Variants in PCDHA8 observed in about 807,000 individuals in gnomAD.
PCDHA8 encodes the protein protocadherin alpha-8.
Under a neutral mutation model 61.8 loss-of-function variants are expected in PCDHA8, and 53 were observed. That is an observed-to-expected ratio of 0.86 (90% CI 0.69 to 1.08). The LOEUF (loss-of-function observed/expected upper bound fraction) is 1.08, where lower values mean the gene tolerates loss of function less well. PCDHA8 is among the 50% of genes least tolerant of loss of function. The probability of loss-of-function intolerance (pLI) is 0.00; values close to 1 mark genes in which losing one functional copy is unlikely to be tolerated. For missense variants in PCDHA8, 1,293 were observed against 1,245.0 expected (o/e 1.04, Z -0.58); for synonymous variants, 618 against 556.6 (o/e 1.11, Z -1.55).
At chr5:140,927,342 TGAC>T (rs1554204398) in intron 1 of PCDHA8, 1 of 1,614,160 alleles carries the variant, frequency 6.2e-7, no homozygotes, top group Non-Finnish European at 8.5e-7. Context: ...ATGCCCAAGA[TGAC>T]GACGAGGGAA....
chr5:140,896,113 T>A (rs10053583), intron 1 of PCDHA8, among the ~76,000 whole-genome samples: 2,120 of 152,286 alleles, frequency 0.014, 43 homozygotes, highest in African/African-American at 0.049. Flanking sequence ...GCCTGGCCAA[T>A]GTACTGCATT....
At chr5:140,923,134 G>C (rs962370475) in intron 1 of PCDHA8, among the ~76,000 whole-genome samples, 2 of 152,106 alleles carry the variant, frequency 1.3e-5, no homozygotes, top group Non-Finnish European at 1.5e-5. Flanking sequence ...CACTTTGAAG[G>C]TGGAATATAA....
chr5:140,842,540 T>A lies in PCDHA8; in HGVS notation c.1219T>A (p.Leu407Met). The A allele has an allele frequency of 6.2e-7, 1 of 1,610,630 alleles. No homozygotes were observed. ...GTCCACCTTCAAGAATTACTACTCG[T>A]TGGTGCTGGACAGCGCCCTGGACCG... Reference protein sequence around the residue: ...LVSTFKNYYSLVLDSALDRER... With the variant: ...LVSTFKNYYSMVLDSALDRER... Residue 407 changes from leucine (L) to methionine (M), a missense_variant, in exon 1 of 4, where the codon TTG becomes ATG. Transcript: ENST00000531613.
chr5:140,888,197 C>T (rs190439070), intron 1 of PCDHA8, among the ~76,000 whole-genome samples: 18 of 152,162 alleles, frequency 1.2e-4, no homozygotes, highest in East Asian at 1.2e-3. Flanking sequence ...TTTACATTGT[C>T]GGATGCTGGA....
At position 141,009,806 on chromosome 5, in the gene PCDHA8, A is replaced by G. The variant is rs781853535; in HGVS notation, c.2722A>G (p.Ile908Val). 18 of 1,614,018 alleles carry G rather than the reference A, an allele frequency of 1.1e-5. No individual in the cohort carries two copies. Among genetic ancestry groups the G allele is most frequent in the Non-Finnish European group, 1.5e-5 (18 of 1,180,028 alleles). ...SIRQEPTNSQ[I>V]DKSDFITFGK... is the part of the protein sequence containing the mutation. ...CCGGCAGGAGCCTACTAACAGCCAA[A>G]TTGACAAAAGTGACTTCATAACCTT... The change falls in exon 4 of 4, where the codon ATT becomes GTT. Residue 908 changes from isoleucine (I) to valine (V), a missense_variant. Physicochemically the swap from Ile to Val is conservative, Grantham distance 29 (BLOSUM62 3). Coordinates refer to ENST00000531613, the MANE Select transcript of PCDHA8 (RefSeq NM_018911.3).
At chr5:140,981,692 T>C (rs1168412872) in intron 2 of PCDHA8, among the ~76,000 whole-genome samples, 1 of 150,826 alleles carries the variant, frequency 6.6e-6, no homozygotes, top group Non-Finnish European at 1.5e-5. Flanking sequence ...CTTCCATCAT[T>C]CATTCATTCA....
At chr5:140,857,046 G>T in intron 1 of PCDHA8, 1 of 1,595,844 alleles carries the variant, frequency 6.3e-7, no homozygotes, top group Non-Finnish European at 8.6e-7. Flanking sequence ...GTTGGTCACT[G>T]CACGGTCCTA....
chr5:140,941,701 C>T (rs1312324595), intron 1 of PCDHA8, among the ~76,000 whole-genome samples: 3 of 152,142 alleles, frequency 2.0e-5, no homozygotes, highest in Non-Finnish European at 4.4e-5. Context: ...TTGGGCTTAG[C>T]TTTCCTCCAC....
At chr5:140,969,317 G>C in intron 1 of PCDHA8, 1 of 1,614,156 alleles carries the variant, frequency 6.2e-7, no homozygotes, top group African/African-American at 1.3e-5. Context: ...AAATGAGGCT[G>C]TTTCTCAAAA....
At chr5:141,004,391 G>A (rs62384511) in intron 3 of PCDHA8, among the ~76,000 whole-genome samples, 4 of 152,342 alleles carry the variant, frequency 2.6e-5, no homozygotes, top group East Asian at 3.9e-4. Flanking sequence ...AGCTGGACAT[G>A]TGGAGGAGGC....
chr5:140,899,534 T>A (rs2067388979), intron 1 of PCDHA8, among the ~76,000 whole-genome samples: 1 of 152,234 alleles, frequency 6.6e-6, no homozygotes, highest in Non-Finnish European at 1.5e-5. Context: ...TGAAGCCCAC[T>A]TGATCATGGT....
chr5:140,928,458 T>C lies in PCDHA8; in HGVS notation c.2395-50491T>C, dbSNP rs1030560254. On this transcript the variant is annotated intron_variant, in intron 1 of 3. Coordinates refer to ENST00000531613, the MANE Select transcript of PCDHA8 (RefSeq NM_018911.3). Reference sequence around the variant, plus strand: ...ACTTTGAGCAGCTCAGGGGGTTTCATTTCCAAGTAGAAGGCCGGGATGGTG... The same window carrying C: ...ACTTTGAGCAGCTCAGGGGGTTTCACTTCCAAGTAGAAGGCCGGGATGGTG... 3.1e-6 allele frequency: 5 copies of C among 1,614,048 alleles called. No homozygotes were observed. In the African/African-American group the frequency reaches 5.3e-5, roughly 17 times the overall value.
chr5:140,972,130 TTAC>T (rs1424151392), intron 1 of PCDHA8, among the ~76,000 whole-genome samples: 1 of 152,022 alleles, frequency 6.6e-6, no homozygotes, highest in Non-Finnish European at 1.5e-5. Flanking sequence ...TATCAGTGAG[TTAC>T]TACTATTTTT....
rs189790601 is a variant in PCDHA8 at position 140,875,550 on chromosome 5, G to A, written c.2394+31835G>A. ...TTCTGCTCCTTGCAGCCTGGGAGGTGGGGAGCGGCCAGCTCCACTACTCCG... is the reference window on the plus strand; with the variant it reads ...TTCTGCTCCTTGCAGCCTGGGAGGTAGGGAGCGGCCAGCTCCACTACTCCG... On this transcript the variant is annotated intron_variant, in intron 1 of 3. Transcript: ENST00000531613. 51 of 1,614,134 alleles carry A rather than the reference G, an allele frequency of 3.2e-5. No homozygotes were observed. In the African/African-American group the frequency reaches 5.7e-4, roughly 18 times the overall value.
intron 3 of PCDHA8, among the ~76,000 whole-genome samples, chr5:141,000,383 C>G (rs1324907388): frequency 4.7e-5 from 3 of 63,178 alleles, no homozygotes; most frequent in South Asian, 1.1e-3. Flanking sequence ...CTCTCTCTCT[C>G]TCTCTCTCTC....
intron 3 of PCDHA8, among the ~76,000 whole-genome samples, chr5:140,984,867 TA>T (rs1251384308): frequency 6.6e-6 from 1 of 152,180 alleles, no homozygotes; most frequent in Non-Finnish European, 1.5e-5. Context: ...ACACCTATTT[TA>T]TTGAGTTACC....
intron 1 of PCDHA8, chr5:140,857,871 A>G (rs2044971374): frequency 6.3e-7 from 1 of 1,597,628 alleles, no homozygotes. Flanking sequence ...TGGCTGTCGT[A>G]TGAATTGCAG....
intron 1 of PCDHA8, chr5:140,850,875 G>T: frequency 6.3e-7 from 1 of 1,590,472 alleles, no homozygotes; most frequent in Non-Finnish European, 8.6e-7. Flanking sequence ...TGCTTCCTCA[G>T]ATTCAACTGG....
chr5:140,871,298 C>G (rs987284077), intron 1 of PCDHA8: 1 of 1,613,894 alleles, frequency 6.2e-7, no homozygotes, highest in Non-Finnish European at 8.5e-7. Flanking sequence ...GGCGCGTGCG[C>G]GCCGGGGAAG....
Sources: gnomAD v4.1 joint callset for allele counts (sites outside exome capture counted in the v4.1 genomes callset) on GRCh38, gnomAD v4.1.1 for gene constraint, MANE v1.5 for transcripts, NCBI Gene and HGNC (gene_info 2026-07-23, HGNC 2026-07-21) for gene names.